The following TRPM3 variants were observed in gnomAD, a reference collection of about 807,000 sequenced individuals.
The protein encoded by TRPM3 is long transient receptor potential channel 3.
In TRPM3, 77 loss-of-function variants were observed where a neutral mutation model predicts 181.2. The observed-to-expected ratio is 0.42, with a 90% CI of 0.35 to 0.51. TRPM3 has a LOEUF of 0.51. Ranked by LOEUF, TRPM3 falls within the 20% of genes least tolerant of loss-of-function variation. The pLI is 0.01. For missense variants in TRPM3, 1,759 were observed against 2,196.7 expected (o/e 0.80, Z 3.98); for synonymous variants, 745 against 796.4 (o/e 0.94, Z 1.09).
In TRPM3 at chr9:70,677,402, T is replaced by C. The variant is rs575413002; in HGVS notation, c.1345+4104A>G. 2.6e-5 allele frequency among the ~76,000 whole-genome samples: 4 copies of C among 152,372 alleles called. No homozygotes were observed. The East Asian group carries it at 7.7e-4, about 29-fold the overall frequency. On this transcript the variant is annotated intron_variant, in intron 9 of 25. Coordinates refer to ENST00000677713, the MANE Select transcript of TRPM3 (RefSeq NM_001366145.2). ...CTCTGCAGGAGCAGTAACAGAGCTGTAACGGTGCCAGAGCTATAACACTCC... is the reference window on the plus strand; with the variant it reads ...CTCTGCAGGAGCAGTAACAGAGCTGCAACGGTGCCAGAGCTATAACACTCC...
chr9:71,159,350 C>T (rs1195209701), intron 1 of TRPM3, among the ~76,000 whole-genome samples: 1 of 152,060 alleles, frequency 6.6e-6, no homozygotes, highest in Non-Finnish European at 1.5e-5. Flanking sequence ...CACTAACAAA[C>T]ATATGCTTCT....
chr9:71,194,192 T>G (rs925150084), intron 1 of TRPM3, among the ~76,000 whole-genome samples: 1 of 151,944 alleles, frequency 6.6e-6, no homozygotes, highest in African/African-American at 2.4e-5. Flanking sequence ...GAAATTTTCA[T>G]TAAGTGTTTG....
At chr9:70,617,067 G>A (rs1276040561) in intron 17 of TRPM3, among the ~76,000 whole-genome samples, 1 of 152,192 alleles carries the variant, frequency 6.6e-6, no homozygotes, top group Non-Finnish European at 1.5e-5. Context: ...GAAGTAATGA[G>A]GCAGGAACAG....
At chr9:70,590,583 C>T (rs559438288) in intron 22 of TRPM3, among the ~76,000 whole-genome samples, 8 of 152,274 alleles carry the variant, frequency 5.3e-5, no homozygotes, top group Admixed American at 5.2e-4. Context: ...TTTGCCCTTA[C>T]TCTTGAATTC....
At chr9:71,446,861 A>G, upstream of TRPM3, 1 of 1,526,836 alleles carries the variant, frequency 6.5e-7, no homozygotes, top group Non-Finnish European at 8.8e-7. Context: ...CTCGGCCGGG[A>G]AACAGCCCAG....
intron 1 of TRPM3, among the ~76,000 whole-genome samples, chr9:70,904,361 T>C (rs926616305): frequency 2.6e-5 from 4 of 152,238 alleles, no homozygotes; most frequent in African/African-American, 9.6e-5. Context: ...AAGTTACTTA[T>C]TTTTAATTAA....
chr9:71,338,804 G>T (rs2090755568), intron 1 of TRPM3, among the ~76,000 whole-genome samples: 1 of 152,098 alleles, frequency 6.6e-6, no homozygotes, highest in Non-Finnish European at 1.5e-5. Flanking sequence ...CATCTTACTT[G>T]ATAGAGAAAC....
intron 1 of TRPM3, among the ~76,000 whole-genome samples, chr9:71,059,596 A>G (rs2061072962): frequency 6.6e-6 from 1 of 152,062 alleles, no homozygotes; most frequent in African/African-American, 2.4e-5. Context: ...ATCAACATCT[A>G]TAATCAGTTG....
Position 70,577,799 on chromosome 9 carries a change from G to A in TRPM3, c.3223+13232C>T, listed in dbSNP as rs112071596. ...GACCTGTTTGATAGTGGTGTCCCCC[G>A]CCCTGTATATTCAATTACTTGCTGT... On this transcript the variant is annotated intron_variant, in intron 22 of 25. Transcript: ENST00000677713. Among the ~76,000 whole-genome samples, 968 of 152,174 alleles carry A rather than the reference G, an allele frequency of 6.4e-3. 14 individuals are homozygous for A. Among genetic ancestry groups the A allele is most frequent in the African/African-American group, 0.022 (915 of 41,504 alleles).
At chr9:70,869,594 A>T (rs547246772) in intron 1 of TRPM3, among the ~76,000 whole-genome samples, 1 of 152,070 alleles carries the variant, frequency 6.6e-6, no homozygotes, top group Non-Finnish European at 1.5e-5. Context: ...GTCCCTGAAC[A>T]TGGGCCTAAG....
At chr9:70,864,547 A>G in intron 1 of TRPM3, 36 bp from the exon 2 acceptor site, 1 of 1,415,196 alleles carries the variant, frequency 7.1e-7, no homozygotes, top group East Asian at 2.4e-5. Context: ...AAAAAGAAAA[A>G]AGAAAGAAAG....
intron 1 of TRPM3, among the ~76,000 whole-genome samples, chr9:71,436,468 A>G (rs1160922394): frequency 1.0e-5 from 1 of 99,696 alleles, no homozygotes; most frequent in South Asian, 4.3e-4. Flanking sequence ...ATGCCTGGCT[A>G]ATTTTTTGTA....
chr9:70,931,133 T>C (rs1039643669), intron 1 of TRPM3, among the ~76,000 whole-genome samples: 4 of 151,714 alleles, frequency 2.6e-5, no homozygotes, highest in African/African-American at 9.7e-5. Flanking sequence ...GAAGAGACAA[T>C]GTTCAGGCTC....
chr9:71,279,053 A>C (rs2084472413), intron 1 of TRPM3, among the ~76,000 whole-genome samples: 1 of 139,828 alleles, frequency 7.2e-6, no homozygotes, highest in African/African-American at 3.1e-5. Flanking sequence ...ATAAAAATAA[A>C]AATAAAAATA....
chr9:70,934,358 A>G (rs1206304030), intron 1 of TRPM3, among the ~76,000 whole-genome samples: 1 of 152,108 alleles, frequency 6.6e-6, no homozygotes, highest in South Asian at 2.1e-4. Context: ...GCCACAGGAG[A>G]GATTTTCATG....
intron 1 of TRPM3, among the ~76,000 whole-genome samples, chr9:70,885,276 T>C (rs1226281575): frequency 6.6e-6 from 1 of 152,178 alleles, no homozygotes; most frequent in African/African-American, 2.4e-5. Flanking sequence ...TTGTGCCTTG[T>C]AGAATGTTTA....
intron 1 of TRPM3, among the ~76,000 whole-genome samples, chr9:71,173,460 G>A (rs982030642): frequency 7.9e-5 from 12 of 152,204 alleles, no homozygotes; most frequent in African/African-American, 1.2e-4. Flanking sequence ...TGGAAAGGCA[G>A]TATATTTACC....
intron 9 of TRPM3, among the ~76,000 whole-genome samples, chr9:70,679,027 G>A (rs1356277878): frequency 2.6e-5 from 4 of 152,160 alleles, no homozygotes; most frequent in African/African-American, 7.2e-5. Flanking sequence ...GTTCATGATG[G>A]TGATTAGAAA....
At chr9:70,977,571 T>C (rs2097317183) in intron 1 of TRPM3, among the ~76,000 whole-genome samples, 1 of 152,208 alleles carries the variant, frequency 6.6e-6, no homozygotes, top group South Asian at 2.1e-4. Context: ...TATCTGAAGT[T>C]AGCACAGACC....
Sources: gnomAD v4.1 joint callset for allele counts (sites outside exome capture counted in the v4.1 genomes callset) on GRCh38, gnomAD v4.1.1 for gene constraint, MANE v1.5 for transcripts, NCBI Gene and HGNC (gene_info 2026-07-23, HGNC 2026-07-21) for gene names.